Variants in COL6A6 observed in about 807,000 individuals in gnomAD.
COL6A6 encodes collagen alpha-6(VI) chain.
Under a neutral mutation model 208.6 loss-of-function variants are expected in COL6A6, and 183 were observed. That is an observed-to-expected ratio of 0.88 (90% confidence interval 0.78 to 0.99). The LOEUF is 0.99. Ranked by LOEUF, COL6A6 falls within the 50% of genes least tolerant of loss-of-function variation. COL6A6 has a pLI of 0.00. For missense variants in COL6A6, 2,816 were observed against 2,815.2 expected, an observed-to-expected ratio of 1.00 and a Z score of -0.01; for synonymous variants, 973 against 1,011.8, an observed-to-expected ratio of 0.96 and a Z score of 0.73.
intron 32 of COL6A6, 125 bp downstream of exon 32, chr3:130,645,127 C>T (rs1452277846): frequency 2.3e-6 from 2 of 853,714 alleles, no homozygotes. Context: ...TTCTTTGCTG[C>T]TGCCTCATAC....
intron 2 of COL6A6, among the ~76,000 whole-genome samples, chr3:130,562,548 A>G (rs1425829504): frequency 2.0e-5 from 3 of 152,196 alleles, no homozygotes; most frequent in African/African-American, 7.2e-5. Context: ...TGTACAACTT[A>G]TATGGTTTTA....
At chr3:130,605,724 G>A (rs1392280068) in intron 20 of COL6A6, among the ~76,000 whole-genome samples, 2 of 152,148 alleles carry the variant, frequency 1.3e-5, no homozygotes, top group East Asian at 1.9e-4. Flanking sequence ...TTCTGAGAAA[G>A]ACAATACCTG....
intron 26 of COL6A6, among the ~76,000 whole-genome samples, chr3:130,634,214 T>A (rs13097264): frequency 0.17 from 4,360 of 25,710 alleles, 335 homozygotes; most frequent in East Asian, 0.27. Flanking sequence ...AAAAAAAAAA[T>A]AAATAAATAA....
In COL6A6 at chr3:130,675,594, T is replaced by C; in HGVS notation, c.*197T>C. The C allele has an allele frequency of 6.6e-6, 3 of 454,082 alleles. No individual in the cohort carries two copies. Among genetic ancestry groups the C allele is most frequent in the Non-Finnish European group, 1.2e-5 (3 of 256,634 alleles). The allele number at this position is 454,082 out of a possible 1,614,324, so 28.1% of individuals were successfully genotyped here. ...CAATTCCAGCACTCTACGACTGATA[T>C]GTCGAAGAACTGTTTCATTAGAAGA... On this transcript the variant is annotated 3_prime_UTR_variant, in exon 37 of 37. Coordinates refer to ENST00000358511, the MANE Select transcript of COL6A6 (RefSeq NM_001102608.3).
intron 21 of COL6A6, among the ~76,000 whole-genome samples, chr3:130,607,504 C>T (rs35004668): frequency 2.0e-5 from 3 of 151,914 alleles, no homozygotes; most frequent in Non-Finnish European, 4.4e-5. Context: ...AACACACATC[C>T]TCAGATTAAA....
chr3:130,670,197 G>T (rs1391526630), intron 36 of COL6A6, among the ~76,000 whole-genome samples: 1 of 152,220 alleles, frequency 6.6e-6, no homozygotes, highest in African/African-American at 2.4e-5. Context: ...GGCTCCCCGT[G>T]CTGCAGGTGT....
chr3:130,565,116 A>C lies in COL6A6; in HGVS notation c.784A>C (p.Lys262Gln), dbSNP rs1335685123. The C allele has an allele frequency of 5.0e-6, 8 of 1,614,040 alleles. No individual in the cohort carries two copies. The highest frequency in any genetic ancestry group is 5.9e-6 in the Non-Finnish European group (7 of 1,179,892). Residue 262 changes from lysine to glutamine, a missense_variant, in exon 4 of 37, where the codon AAG (lysine) becomes CAG (glutamine). By Grantham distance (53) the Lys-to-Gln change is moderately conservative. Transcript: ENST00000358511. ...AGAAAGTGTATCTGCCCTTGACATA[A>C]AGGAAAATTGCATGAGGGTTGGCCT... The part of the protein sequence containing the change: ...LEESVSALDI[K>Q]ENCMRVGLVA...
In COL6A6 at chr3:130,599,795, C is replaced by A; in HGVS notation, c.4638C>A (p.Gly1546=). 1 of 1,613,736 alleles carries A rather than the reference C, an allele frequency of 6.2e-7. No individual in the cohort carries two copies. Among genetic ancestry groups the A allele is most frequent in the Non-Finnish European group, 8.5e-7 (1 of 1,179,772 alleles). ...RGWPGPPGTP[G]SRRKTAAHGR... is the part of the protein sequence containing the mutation. ...GGCCAGGCCCCCCCGGGACACCAGG[C>A]TCCAGAAGAAAGACAGTAAGAGCCC... The change falls in exon 20 of 37, where the codon GGC becomes GGA. Residue 1546 remains glycine (G), a synonymous_variant. Transcript: ENST00000358511.
Position 130,661,643 on chromosome 3 carries a change from G to A in COL6A6, c.5837G>A (p.Cys1946Tyr). 6.2e-7 allele frequency: 1 copy of A among 1,611,426 alleles called. No individual in the cohort carries two copies. Among genetic ancestry groups the A allele is most frequent in the East Asian group, 2.2e-5 (1 of 44,860 alleles). ...AGTAACTTTTGGTTCACAGATGTGT[G>A]CAAGCCAGATGCTTCTTGTGACCAA... is the stretch of plus-strand genomic sequence containing the variant. The part of the protein sequence containing the change: ...LQRCTFCYDV[C>Y]KPDASCDQAR... The change falls in exon 35 of 37, where the codon TGC (cysteine) becomes TAC (tyrosine). Residue 1946 changes from cysteine (C) to tyrosine (Y), a missense_variant. Coordinates refer to ENST00000358511, the MANE Select transcript of COL6A6 (RefSeq NM_001102608.3).
intron 19 of COL6A6, among the ~76,000 whole-genome samples, chr3:130,599,377 A>C (rs1242662941): frequency 6.6e-6 from 1 of 152,076 alleles, no homozygotes. Context: ...AGCCAAAAGG[A>C]TCAAGCAATT....
intron 33 of COL6A6, among the ~76,000 whole-genome samples, chr3:130,656,438 T>C (rs1427668074): frequency 6.6e-6 from 1 of 151,516 alleles, no homozygotes; most frequent in Non-Finnish European, 1.5e-5. Flanking sequence ...CTGGGGTGGG[T>C]AGCTCCTCTC....
intron 28 of COL6A6, among the ~76,000 whole-genome samples, chr3:130,639,483 A>G (rs1458508242): frequency 1.3e-5 from 2 of 152,176 alleles, no homozygotes; most frequent in African/African-American, 4.8e-5. Flanking sequence ...GCTTCAGCCC[A>G]GCAGTTTGAG....
intron 36 of COL6A6, among the ~76,000 whole-genome samples, chr3:130,665,803 A>G (rs1576426519): frequency 6.6e-6 from 1 of 152,222 alleles, no homozygotes; most frequent in Non-Finnish European, 1.5e-5. Flanking sequence ...ACAATAACTG[A>G]TGATTACAGG....
At chr3:130,626,899 G>A (rs1253133937) in intron 25 of COL6A6, among the ~76,000 whole-genome samples, 1 of 152,130 alleles carries the variant, frequency 6.6e-6, no homozygotes, top group Non-Finnish European at 1.5e-5. Context: ...GTTTCTACAA[G>A]GGTCAGACAG....
rs767800790 is a variant in COL6A6, at chr3:130,643,047, C to A, written c.5227+24C>A. 5.6e-6 allele frequency: 9 copies of A among 1,610,098 alleles called. No homozygotes were observed. The Admixed American group carries it at 1.2e-4, about 21-fold the overall frequency. On this transcript the variant is annotated intron_variant, in intron 31 of 36. Coordinates refer to ENST00000358511, the MANE Select transcript of COL6A6 (RefSeq NM_001102608.3). ...TCGTAAGTACCCTGCTTAAAATGATCACCCAAGTTGTCAGCATTCATACAA... is the reference window on the plus strand; with the variant it reads ...TCGTAAGTACCCTGCTTAAAATGATAACCCAAGTTGTCAGCATTCATACAA...
chr3:130,618,042 A>G (rs997157565), intron 23 of COL6A6, among the ~76,000 whole-genome samples: 1 of 152,166 alleles, frequency 6.6e-6, no homozygotes, highest in African/African-American at 2.4e-5. Context: ...AAGTGGGACA[A>G]TCAAGTCCCA....
rs2066374420 is a variant in COL6A6, at chr3:130,676,955, A to G, written c.*1558A>G. The G allele has an allele frequency of 2.6e-5, 4 of 152,244 alleles. No individual in the cohort carries two copies. The allele number at this position is 152,244 out of a possible 1,614,324, so 9.4% of individuals were successfully genotyped here. A position where few individuals can be genotyped will look rare whatever the true frequency, so the allele number is the denominator to read the frequency against. ...TCTAGTTAACTCTGAGTTAAGCACGAACTCCTTTCTTTTGTTAATTGTTGG... is the reference window on the plus strand; with the variant it reads ...TCTAGTTAACTCTGAGTTAAGCACGGACTCCTTTCTTTTGTTAATTGTTGG... On this transcript the variant is annotated 3_prime_UTR_variant, in exon 37 of 37. Coordinates refer to ENST00000358511, the MANE Select transcript of COL6A6 (RefSeq NM_001102608.3).
chr3:130,623,901 C>G (rs1397075999), intron 24 of COL6A6, among the ~76,000 whole-genome samples: 1 of 151,786 alleles, frequency 6.6e-6, no homozygotes, highest in Non-Finnish European at 1.5e-5. Context: ...GAGTAGAGTT[C>G]AAGAAGGGAG....
At chr3:130,579,871 C>T (rs1446730617) in intron 8 of COL6A6, among the ~76,000 whole-genome samples, 1 of 151,418 alleles carries the variant, frequency 6.6e-6, no homozygotes, top group Non-Finnish European at 1.5e-5. Flanking sequence ...TCTCACTGTA[C>T]TTAGACACAT....
Sources: allele counts gnomAD v4.1 joint callset (sites outside exome capture counted in the v4.1 genomes callset), GRCh38; gene constraint gnomAD v4.1.1; transcripts MANE v1.5; gene names NCBI Gene and HGNC (gene_info 2026-07-23, HGNC 2026-07-21).